PCBP2: variants seen among roughly 807,000 people sequenced by gnomAD.
PCBP2 encodes the protein poly(rC)-binding protein 2.
PCBP2 carries 4 observed loss-of-function variants against 50.1 expected under a neutral mutation model. The observed-to-expected ratio is 0.08, with a 90% CI of 0.04 to 0.18. The LOEUF (loss-of-function observed/expected upper bound fraction) is 0.18, where lower values mean the gene tolerates loss of function less well. Ranked by LOEUF, PCBP2 falls within the 10% of genes least tolerant of loss-of-function variation. PCBP2 has a pLI of 1.00. For missense variants in PCBP2, 161 were observed against 474.3 expected, an observed-to-expected ratio of 0.34 and a Z score of 6.14; for synonymous variants, 179 against 168.0, an observed-to-expected ratio of 1.07 and a Z score of -0.51.
chr12:53,458,631 C>T (rs1255067128), intron 5 of PCBP2, among the ~76,000 whole-genome samples: 1 of 149,062 alleles, frequency 6.7e-6, no homozygotes, highest in Admixed American at 6.7e-5. Flanking sequence ...TCTTAATATT[C>T]GATTTGACTT....
At chr12:53,469,991 C>A (rs966350767) in intron 13 of PCBP2, among the ~76,000 whole-genome samples, 10 of 151,954 alleles carry the variant, frequency 6.6e-5, no homozygotes, top group African/African-American at 1.9e-4. Context: ...CGTGATCCCC[C>A]CCCTTCAGCC....
At chr12:53,471,525 C>T (rs1942233597) in intron 13 of PCBP2, 113 bp from the exon 14 acceptor site, 1 of 999,058 alleles carries the variant, frequency 1.0e-6, no homozygotes, top group Non-Finnish European at 1.4e-6. Context: ...CAAGATCAGG[C>T]CACTGCACTC....
chr12:53,476,231 C>T (rs539163943), intron 14 of PCBP2, among the ~76,000 whole-genome samples: 1 of 152,150 alleles, frequency 6.6e-6, no homozygotes, highest in Non-Finnish European at 1.5e-5. Flanking sequence ...CTGCTCCCCA[C>T]CAGCACTATC....
At chr12:53,469,343 A>G (rs137963520) in intron 13 of PCBP2, among the ~76,000 whole-genome samples, 1 of 152,362 alleles carries the variant, frequency 6.6e-6, no homozygotes, top group Admixed American at 6.5e-5. Flanking sequence ...TATAATATAC[A>G]GAATTGTGAT....
At chr12:53,472,394 C>G (rs765353074) in intron 14 of PCBP2, among the ~76,000 whole-genome samples, 1 of 152,190 alleles carries the variant, frequency 6.6e-6, no homozygotes. Flanking sequence ...CCAATCTCAT[C>G]CCTTAATGAC....
At chr12:53,473,235 C>G (rs557321477) in intron 14 of PCBP2, among the ~76,000 whole-genome samples, 1 of 152,178 alleles carries the variant, frequency 6.6e-6, no homozygotes, top group Admixed American at 6.5e-5. Flanking sequence ...CAGGCACGTG[C>G]CACCACGTCC....
chr12:53,479,998 G>A lies in PCBP2; in HGVS notation c.*556G>A, dbSNP rs1942952283. On this transcript the variant is annotated 3_prime_UTR_variant, in exon 15 of 15. Coordinates refer to ENST00000546463, the MANE Select transcript of PCBP2 (RefSeq NM_031989.5). ...GTGGCCCTCGATCCTATTTTTCCCT[G>A]ACTCCATGCTTGGTTGGCCCTTATA... 1 of 151,542 alleles carries A rather than the reference G, an allele frequency of 6.6e-6. No homozygotes were observed. Among genetic ancestry groups the A allele is most frequent in the Non-Finnish European group, 1.5e-5 (1 of 68,046 alleles). The allele number at this position is 151,542 out of a possible 1,614,324, so 9.4% of individuals were successfully genotyped here.
intron 10 of PCBP2, 40 bp downstream of exon 10, chr12:53,466,013 C>T (rs769667606): frequency 5.0e-6 from 8 of 1,587,952 alleles, no homozygotes; most frequent in African/African-American, 1.3e-5. Context: ...AAAGCTCCCT[C>T]TCCCATCCAA....
At chr12:53,464,696 T>C in intron 8 of PCBP2, 64 bp from the exon 9 acceptor site, 1 of 1,572,706 alleles carries the variant, frequency 6.4e-7, no homozygotes, top group South Asian at 1.2e-5. Context: ...TGTGTGAATT[T>C]CATGCTGGTG....
At position 53,468,872 on chromosome 12, in the gene PCBP2, T is replaced by C. The variant is rs745463965; in HGVS notation, c.882+40T>C. On this transcript the variant is annotated intron_variant, in intron 13 of 14. Coordinates refer to ENST00000546463, the MANE Select transcript of PCBP2 (RefSeq NM_031989.5). ...GTTGCATGGGATGAAAATAAGAAAA[T>C]AGACTGTAAAGAAATAGATGTCGTT... The C allele has an allele frequency of 6.6e-5, 96 of 1,444,246 alleles. No individual in the cohort carries two copies. The Middle Eastern group carries it at 1.3e-3, about 20-fold the overall frequency. The allele number at this position is 1,444,246 out of a possible 1,614,324, so 89.5% of individuals were successfully genotyped here.
intron 5 of PCBP2, 150 bp downstream of exon 5, chr12:53,456,151 T>G: frequency 3.1e-6 from 2 of 651,940 alleles, no homozygotes; most frequent in South Asian, 3.5e-5. Flanking sequence ...CCCACAAAAT[T>G]CGAGCATTTG....
intron 2 of PCBP2, 121 bp from the exon 3 acceptor site, chr12:53,455,226 A>G (rs1940908974): frequency 9.6e-6 from 9 of 938,974 alleles, no homozygotes; most frequent in Non-Finnish European, 1.4e-5. Flanking sequence ...CTAGACAGTT[A>G]AAATTCCTTT....
intron 14 of PCBP2, chr12:53,474,829 A>G (rs1175443070): frequency 5.4e-6 from 2 of 367,044 alleles, no homozygotes; most frequent in African/African-American, 2.1e-5. Context: ...CTTCCCTTCC[A>G]CCCACCCTTT....
chr12:53,466,408 G>C (rs1004992075), intron 10 of PCBP2, among the ~76,000 whole-genome samples: 4 of 152,172 alleles, frequency 2.6e-5, no homozygotes, highest in Non-Finnish European at 5.9e-5. Flanking sequence ...GTATTTGGAG[G>C]GATGGGGAAG....
chr12:53,477,671 A>AC (rs1021483580), intron 14 of PCBP2, among the ~76,000 whole-genome samples: 1 of 133,704 alleles, frequency 7.5e-6, no homozygotes, highest in Non-Finnish European at 1.6e-5. Flanking sequence ...GTCTCAAAAA[A>AC]AAAAAAAAAA....
chr12:53,460,905 T>A (rs1000269022), intron 6 of PCBP2, 110 bp from the exon 7 acceptor site: 1 of 1,198,444 alleles, frequency 8.3e-7, no homozygotes, highest in African/African-American at 1.5e-5. Flanking sequence ...AAGGGAAGAT[T>A]GGAAATGGAT....
At chr12:53,455,785 C>A in intron 4 of PCBP2, 100 bp from the exon 5 acceptor site, 1 of 822,982 alleles carries the variant, frequency 1.2e-6, no homozygotes, top group Non-Finnish European at 2.0e-6. Flanking sequence ...TGCTTTGCAT[C>A]AGGATCATGT....
intron 13 of PCBP2, among the ~76,000 whole-genome samples, chr12:53,470,979 T>A (rs1942189872): frequency 6.6e-6 from 1 of 152,078 alleles, no homozygotes; most frequent in South Asian, 2.1e-4. Flanking sequence ...AGGACAGAAA[T>A]AATGAAGAGC....
chr12:53,463,843 C>G (rs368188218), intron 8 of PCBP2, among the ~76,000 whole-genome samples: 3 of 152,210 alleles, frequency 2.0e-5, no homozygotes, highest in East Asian at 3.8e-4. Flanking sequence ...TGCGTTTGAT[C>G]TGGGAGCCAT....
Sources: allele counts gnomAD v4.1 joint callset (sites outside exome capture counted in the v4.1 genomes callset), GRCh38; gene constraint gnomAD v4.1.1; transcripts MANE v1.5; gene names NCBI Gene and HGNC (gene_info 2026-07-23, HGNC 2026-07-21).